GGT5: variants seen among roughly 807,000 people sequenced by gnomAD.
GGT5 encodes gamma-glutamyltransferase 5, also known as glutathione hydrolase 5 proenzyme.
In GGT5, 50 loss-of-function variants were observed where a neutral mutation model predicts 58.1. The observed-to-expected ratio is 0.86, with a 90% CI of 0.69 to 1.09. The LOEUF (loss-of-function observed/expected upper bound fraction) is 1.09, where lower values mean the gene tolerates loss of function less well. Ranked by LOEUF, GGT5 falls within the 50% of genes least tolerant of loss-of-function variation. GGT5 has a pLI of 0.00. For missense variants in GGT5, 800 were observed against 789.4 expected, an observed-to-expected ratio of 1.01 and a Z score of -0.16; for synonymous variants, 370 against 346.1, an observed-to-expected ratio of 1.07 and a Z score of -0.77.
chr22:24,238,880 TATTATATATTTTATA>T (rs1569372112), intron 1 of GGT5, among the ~76,000 whole-genome samples: 156 of 14,202 alleles, frequency 0.011, 11 homozygotes, highest in Admixed American at 0.087. Flanking sequence ...ATATAATATA[TATTATATATTTTATA>T]TATATATATA....
In GGT5 at chr22:24,244,866, C is replaced by T. The variant is rs1015727544; in HGVS notation, c.-141G>A. The T allele has an allele frequency of 4.4e-5, 63 of 1,421,816 alleles. No homozygotes were observed. The highest frequency in any genetic ancestry group is 5.3e-5 in the Non-Finnish European group (57 of 1,085,272). The allele number at this position is 1,421,816 out of a possible 1,614,324, so 88.1% of individuals were successfully genotyped here. ...AACAGGTGGGGGCTGAAGACAGACA[C>T]GAAGATGGATCGACAGATAGGCCAG... On this transcript the variant is annotated 5_prime_UTR_variant, in exon 1 of 12. It adds an upstream start codon to the 5' untranslated region. Coordinates refer to ENST00000327365, the MANE Select transcript of GGT5 (RefSeq NM_004121.5).
At chr22:24,241,737 T>C (rs2048332700) in intron 1 of GGT5, 1 of 151,742 alleles carries the variant, frequency 6.6e-6, no homozygotes, top group Non-Finnish European at 1.5e-5. Context: ...ATATAGCTAT[T>C]ATAATTATAT....
chr22:24,240,274 T>C (rs536245763), intron 1 of GGT5, among the ~76,000 whole-genome samples: 88 of 152,046 alleles, frequency 5.8e-4, no homozygotes, highest in African/African-American at 2.1e-3. Context: ...CAAAACAAGA[T>C]GTGAAAGGAG....
chr22:24,230,552 C>T (rs977999784), intron 6 of GGT5, among the ~76,000 whole-genome samples: 5 of 150,876 alleles, frequency 3.3e-5, no homozygotes, highest in Non-Finnish European at 7.4e-5. Context: ...AGCAAGACAC[C>T]GTCTCAATAA....
rs1056257307 is a variant in GGT5, at chr22:24,233,067, AG to A, written c.401-50del. On this transcript the variant is annotated intron_variant, in intron 3 of 11. Transcript: ENST00000327365. ...AACCCTGTGGCTTCCAGGCCTTCCC[AG>A]GTTTGCCATCACCCCTACATGTGGC... 2.9e-5 allele frequency: 40 copies of A among 1,373,028 alleles called. No individual in the cohort carries two copies. In the Admixed American group the frequency reaches 7.6e-4, roughly 26 times the overall value. 85.1% of individuals were successfully genotyped at this position (1,373,028 alleles called of 1,614,324 possible). A position where few individuals can be genotyped will look rare whatever the true frequency, so the allele number is the denominator to read the frequency against.
At chr22:24,233,640 C>T in intron 2 of GGT5, 47 bp from the exon 3 acceptor site, 1 of 1,131,868 alleles carries the variant, frequency 8.8e-7, no homozygotes, top group Non-Finnish European at 1.3e-6. Context: ...CTGCAGACAG[C>T]CCCTGGCCTG....
chr22:24,227,105 C>T (rs891756282), intron 6 of GGT5, among the ~76,000 whole-genome samples: 14 of 151,918 alleles, frequency 9.2e-5, no homozygotes, highest in Non-Finnish European at 1.2e-4. Flanking sequence ...TTCGCCACCA[C>T]GTACAGCTAA....
At chr22:24,226,981 C>T (rs1230230173) in intron 6 of GGT5, among the ~76,000 whole-genome samples, 39 of 136,972 alleles carry the variant, frequency 2.8e-4, no homozygotes, top group Non-Finnish European at 4.6e-5. Flanking sequence ...CAGAGTCTCA[C>T]TCTATTGCCC....
At chr22:24,230,388 GA>G (rs1569361058) in intron 6 of GGT5, among the ~76,000 whole-genome samples, 1 of 149,120 alleles carries the variant, frequency 6.7e-6, no homozygotes, top group African/African-American at 2.5e-5. Context: ...AAAAAAAAAG[GA>G]AAAAAAGAAA....
In GGT5 at chr22:24,226,709, G is replaced by T. The variant is rs1362165231; in HGVS notation, c.960C>A (p.His320Gln). Residue 320 changes from histidine (H) to glutamine (Q), a missense_variant, in exon 7 of 12, where the codon CAC becomes CAA. Transcript: ENST00000327365. Reference sequence around the variant, plus strand: ...CAAACTTGAGCGTCTCTACAAGGTGGTGGTACACGTTCACCCTCCCTTCAG... The same window carrying T: ...CAAACTTGAGCGTCTCTACAAGGTGTTGGTACACGTTCACCCTCCCTTCAG... ...ARPEGRVNVYHHLVETLKFAK... is the reference protein window; with the variant it reads ...ARPEGRVNVYQHLVETLKFAK... 1 of 1,613,602 alleles carries T rather than the reference G, an allele frequency of 6.2e-7. No individual in the cohort carries two copies. The highest frequency in any genetic ancestry group is 2.2e-5 in the East Asian group (1 of 44,862).
chr22:24,234,110 C>T (rs950649320), intron 1 of GGT5, 106 bp from the exon 2 acceptor site: 16 of 1,105,064 alleles, frequency 1.4e-5, no homozygotes, highest in South Asian at 3.1e-5. Context: ...GGCGGCACGT[C>T]GGCTGCCACC....
rs975806427 is a variant in GGT5, at chr22:24,220,399, G to A, written c.1615-283C>T. ...CTGTTCTGGATCCAAGGACACCAGG[G>A]CCTTGAGGTGCAAATCTGAGTTCAG... On this transcript the variant is annotated intron_variant, in intron 11 of 11. Transcript: ENST00000327365. The A allele has an allele frequency of 2.0e-5, 11 of 562,076 alleles. No individual in the cohort carries two copies. In the East Asian group the frequency reaches 4.1e-4, roughly 21 times the overall value. The allele number at this position is 562,076 out of a possible 1,614,324, so 34.8% of individuals were successfully genotyped here.
chr22:24,238,795 T>TTA (rs1288032948), intron 1 of GGT5, among the ~76,000 whole-genome samples: 5 of 9,730 alleles, frequency 5.1e-4, no homozygotes, highest in Non-Finnish European at 7.4e-4. Flanking sequence ...TATTATATAT[T>TTA]TATATATATA....
Position 24,233,961 on chromosome 22 carries a change from C to T in GGT5, c.217G>A (p.Ala73Thr), listed in dbSNP as rs750602004. 1.9e-5 allele frequency: 30 copies of T among 1,613,470 alleles called. No individual in the cohort carries two copies. The highest frequency in any genetic ancestry group is 2.4e-5 in the Non-Finnish European group (28 of 1,179,730). ...QQGSPVDATI[A>T]ALVCTSVVNP... is the part of the protein sequence containing the mutation. Reference sequence around the variant, plus strand: ...ACGACGCTGGTGCAGACCAGAGCCGCGATGGTGGCATCCACGGGTGAGCCC... The same window carrying T: ...ACGACGCTGGTGCAGACCAGAGCCGTGATGGTGGCATCCACGGGTGAGCCC... Residue 73 changes from alanine (A) to threonine (T), a missense_variant, in exon 2 of 12, where the codon GCG becomes ACG. Ala to Thr is a moderately conservative substitution (Grantham distance 58). Coordinates refer to ENST00000327365, the MANE Select transcript of GGT5 (RefSeq NM_004121.5).
Position 24,234,022 on chromosome 22 carries a change from G to A in GGT5, c.174-18C>T. On this transcript the variant is annotated intron_variant, in intron 1 of 11. Transcript: ENST00000327365. ...GGATGGCTCTAGGGGACATGGCACAGAGTCGCTGTGGGGCTCCCCTCCCCC... is the reference window on the plus strand; with the variant it reads ...GGATGGCTCTAGGGGACATGGCACAAAGTCGCTGTGGGGCTCCCCTCCCCC... The A allele has an allele frequency of 6.3e-7, 1 of 1,589,532 alleles. No homozygotes were observed. The highest frequency in any genetic ancestry group is 1.1e-5 in the South Asian group (1 of 88,324).
chr22:24,241,172 A>C lies in GGT5; in HGVS notation c.173+3381T>G, dbSNP rs1428919773. ...AACTCCATCTCAAAAAAAAAAAAAA[A>C]AAAAAACACGAGGTTACTAGCTAGT... On this transcript the variant is annotated intron_variant, in intron 1 of 11. Coordinates refer to ENST00000327365, the MANE Select transcript of GGT5 (RefSeq NM_004121.5). 10 of 152,246 alleles carry C rather than the reference A, an allele frequency of 6.6e-5. No homozygotes were observed. In the East Asian group the frequency reaches 9.6e-4, roughly 15 times the overall value. 9.4% of individuals were successfully genotyped at this position (152,246 alleles called of 1,614,324 possible).
chr22:24,223,590 T>C (rs1412779310), intron 11 of GGT5, among the ~76,000 whole-genome samples: 1 of 151,926 alleles, frequency 6.6e-6, no homozygotes, highest in African/African-American at 2.4e-5. Flanking sequence ...CTGAGGTCCT[T>C]AGTCTCAAGG....
chr22:24,219,886 A>T lies in GGT5; in HGVS notation c.*84T>A. On this transcript the variant is annotated 3_prime_UTR_variant, in exon 12 of 12. Coordinates refer to ENST00000327365, the MANE Select transcript of GGT5 (RefSeq NM_004121.5). ...CCCTGCCAGGGGTCCAGATCCTGCC[A>T]GAGTAGTTGGTCCCCCAGCCATGTC... is the stretch of plus-strand genomic sequence containing the variant. 7.3e-7 allele frequency: 1 copy of T among 1,368,128 alleles called. No individual in the cohort carries two copies. Among genetic ancestry groups the T allele is most frequent in the Non-Finnish European group, 1.0e-6 (1 of 974,086 alleles). The allele number at this position is 1,368,128 out of a possible 1,614,324, so 84.7% of individuals were successfully genotyped here.
chr22:24,239,395 T>C (rs533782574), intron 1 of GGT5, among the ~76,000 whole-genome samples: 4 of 152,104 alleles, frequency 2.6e-5, no homozygotes, highest in South Asian at 2.1e-4. Context: ...ATGAACGTTA[T>C]TGGTATAAAA....
Sources: allele counts gnomAD v4.1 joint callset (sites outside exome capture counted in the v4.1 genomes callset), GRCh38; gene constraint gnomAD v4.1.1; transcripts MANE v1.5; gene names NCBI Gene and HGNC (gene_info 2026-07-23, HGNC 2026-07-21).